TRAF3: variants seen among roughly 807,000 people sequenced by gnomAD.
TRAF3 encodes the protein TNF receptor associated factor 3.
A neutral mutation model predicts 62.3 loss-of-function variants in TRAF3; 13 were observed. The ratio of observed to expected loss-of-function variants is 0.21; its 90% CI spans 0.14 to 0.33. The LOEUF is 0.33. TRAF3 is among the 10% of genes least tolerant of loss of function. TRAF3 has a pLI of 1.00. For synonymous variants in TRAF3, 269 were observed against 283.4 expected, an observed-to-expected ratio of 0.95 and a Z score of 0.51; for missense variants, 440 against 741.8, an observed-to-expected ratio of 0.59 and a Z score of 4.73.
intron 1 of TRAF3, among the ~76,000 whole-genome samples, chr14:102,798,465 T>A (rs1898218967): frequency 6.6e-6 from 1 of 152,132 alleles, no homozygotes; most frequent in Non-Finnish European, 1.5e-5. Flanking sequence ...TATGGAGACC[T>A]CATCTCTATA....
rs772231634 is a variant in TRAF3 at position 102,889,665 on chromosome 14, ACTGACATT to A, written c.726+35_726+42del. 26 of 1,609,952 alleles carry A rather than the reference ACTGACATT, an allele frequency of 1.6e-5. No individual in the cohort carries two copies. The South Asian group carries it at 2.2e-4, about 14-fold the overall frequency. ...TATCCGACATTTGTCCTTCCCAGTC[ACTGACATT>A]CTGCCATGAGAGAAAGTTATTATAT... On this transcript the variant is annotated intron_variant, in intron 8 of 11. Coordinates refer to ENST00000392745, the MANE Select transcript of TRAF3 (RefSeq NM_145725.3).
chr14:102,790,918 G>A (rs536780541), intron 1 of TRAF3, among the ~76,000 whole-genome samples: 21 of 152,070 alleles, frequency 1.4e-4, no homozygotes, highest in African/African-American at 3.4e-4. Flanking sequence ...AAGGTCATTG[G>A]AATTTTAATA....
chr14:102,825,254 C>G (rs1169369826), intron 1 of TRAF3, among the ~76,000 whole-genome samples: 3 of 152,242 alleles, frequency 2.0e-5, no homozygotes, highest in Non-Finnish European at 4.4e-5. Flanking sequence ...GTGATTTCTC[C>G]TGTTAAAGCC....
chr14:102,838,880 AC>A (rs1220288268), intron 2 of TRAF3, among the ~76,000 whole-genome samples: 1 of 152,230 alleles, frequency 6.6e-6, no homozygotes, highest in Non-Finnish European at 1.5e-5. Context: ...CATGATAATT[AC>A]CCCCTTAAAT....
intron 2 of TRAF3, among the ~76,000 whole-genome samples, chr14:102,846,702 G>C (rs191278854): frequency 6.7e-6 from 1 of 150,300 alleles, no homozygotes; most frequent in African/African-American, 2.5e-5. Context: ...TGTGGTCCCA[G>C]CTACTTGGGA....
chr14:102,816,733 A>G (rs1463126719), intron 1 of TRAF3, among the ~76,000 whole-genome samples: 1 of 152,170 alleles, frequency 6.6e-6, no homozygotes, highest in African/African-American at 2.4e-5. Flanking sequence ...GTTGTTGGAC[A>G]CTTAGGTTGT....
intron 2 of TRAF3, among the ~76,000 whole-genome samples, chr14:102,863,778 T>A (rs991020997): frequency 2.0e-5 from 3 of 152,260 alleles, no homozygotes; most frequent in Non-Finnish European, 4.4e-5. Flanking sequence ...TGTCTGTAAA[T>A]GTTTCCAATA....
chr14:102,885,560 C>G (rs748024788), intron 6 of TRAF3, among the ~76,000 whole-genome samples: 3 of 152,212 alleles, frequency 2.0e-5, no homozygotes, highest in Non-Finnish European at 2.9e-5. Context: ...TCGCCATCAT[C>G]CAGCCTTAGC....
At chr14:102,895,200 G>A (rs999618919) in intron 9 of TRAF3, 1 of 447,234 alleles carries the variant, frequency 2.2e-6, no homozygotes, top group Non-Finnish European at 4.5e-6. Context: ...ATTCGTGCAG[G>A]TTGATCACTT....
At chr14:102,804,614 A>G (rs567448534) in intron 1 of TRAF3, among the ~76,000 whole-genome samples, 3 of 152,218 alleles carry the variant, frequency 2.0e-5, no homozygotes, top group African/African-American at 4.8e-5. Context: ...CAGCCTCCCA[A>G]GTAGCTGGAA....
At chr14:102,863,432 C>T (rs1887794061) in intron 2 of TRAF3, among the ~76,000 whole-genome samples, 1 of 152,200 alleles carries the variant, frequency 6.6e-6, no homozygotes. Flanking sequence ...AAAAATGTCT[C>T]CCAGTCTTTT....
chr14:102,835,465 C>T (rs1885943508), intron 2 of TRAF3, among the ~76,000 whole-genome samples: 1 of 152,156 alleles, frequency 6.6e-6, no homozygotes, highest in Non-Finnish European at 1.5e-5. Context: ...TTCACTGCAG[C>T]ACTATTCACA....
chr14:102,811,728 AGTGTGTGTGTGTGT>A (rs146439927), intron 1 of TRAF3, among the ~76,000 whole-genome samples: 9 of 138,618 alleles, frequency 6.5e-5, no homozygotes, highest in East Asian at 6.5e-4. Flanking sequence ...CTACAGCAGT[AGTGTGTGTGTGTGT>A]GTGTGTGTGT....
At position 102,837,154 on chromosome 14, in the gene TRAF3, G is replaced by T. The variant is rs956776300; in HGVS notation, c.-18+6682G>T. On this transcript the variant is annotated intron_variant, in intron 2 of 11. Coordinates refer to ENST00000392745, the MANE Select transcript of TRAF3 (RefSeq NM_145725.3). Reference sequence around the variant, plus strand: ...TGTGTGTGTGTGTGTTTTTTTTGGGGGGGGGTGAAGGTCTTGCTCTGTTGC... The same window carrying T: ...TGTGTGTGTGTGTGTTTTTTTTGGGTGGGGGTGAAGGTCTTGCTCTGTTGC... Among the ~76,000 whole-genome samples, 23 of 150,986 alleles carry T rather than the reference G, an allele frequency of 1.5e-4. 1 individual carries two copies. Among genetic ancestry groups the T allele is most frequent in the African/African-American group, 4.6e-4 (19 of 41,202 alleles).
At chr14:102,811,313 T>C (rs1231602634) in intron 1 of TRAF3, among the ~76,000 whole-genome samples, 2 of 149,936 alleles carry the variant, frequency 1.3e-5, no homozygotes, top group Non-Finnish European at 2.9e-5. Flanking sequence ...TTTTTTTTTT[T>C]CTTAAGAGAG....
intron 1 of TRAF3, among the ~76,000 whole-genome samples, chr14:102,799,069 C>T (rs931952045): frequency 2.0e-5 from 3 of 152,152 alleles, no homozygotes; most frequent in African/African-American, 7.2e-5. Context: ...GGTGACCAGG[C>T]TGGGGTACAT....
At chr14:102,803,078 G>A (rs1470659296) in intron 1 of TRAF3, among the ~76,000 whole-genome samples, 1 of 152,100 alleles carries the variant, frequency 6.6e-6, no homozygotes, top group African/African-American at 2.4e-5. Flanking sequence ...CTGCCCCCAT[G>A]ATTCAATTAC....
At chr14:102,823,506 T>C (rs1250480350) in intron 1 of TRAF3, among the ~76,000 whole-genome samples, 1 of 152,204 alleles carries the variant, frequency 6.6e-6, no homozygotes, top group Non-Finnish European at 1.5e-5. Flanking sequence ...ACTTTTAGAT[T>C]TGGGAGAGGG....
Position 102,909,069 on chromosome 14 carries a change from CAGTG to C in TRAF3, c.*3288_*3291del, listed in dbSNP as rs1890732018. ...GCCTTTCTAGCAGGGTTGGGTGGCT[CAGTG>C]AGGGTGTGGAAGTGGGGGACCCACG... is the stretch of plus-strand genomic sequence containing the variant. On this transcript the variant is annotated 3_prime_UTR_variant, in exon 12 of 12. Transcript: ENST00000392745. 1 of 152,494 alleles carries C rather than the reference CAGTG, an allele frequency of 6.6e-6. No homozygotes were observed. The highest frequency in any genetic ancestry group is 1.5e-5 in the Non-Finnish European group (1 of 68,274). 9.4% of individuals were successfully genotyped at this position (152,494 alleles called of 1,614,324 possible).
Sources: allele counts gnomAD v4.1 joint callset (sites outside exome capture counted in the v4.1 genomes callset), GRCh38; gene constraint gnomAD v4.1.1; transcripts MANE v1.5; gene names NCBI Gene and HGNC (gene_info 2026-07-23, HGNC 2026-07-21).